Variants in ROS1 observed in about 807,000 individuals in gnomAD.
The protein encoded by ROS1 is proto-oncogene tyrosine-protein kinase ROS.
In ROS1, 263 loss-of-function variants were observed where a neutral mutation model predicts 273.5. The observed-to-expected ratio is 0.96, with a 90% CI of 0.87 to 1.06. The LOEUF (loss-of-function observed/expected upper bound fraction) is 1.06. Ranked by LOEUF, ROS1 falls within the 50% of genes least tolerant of loss-of-function variation. ROS1 has a pLI of 0.00. For synonymous variants in ROS1, 1,008 were observed against 954.1 expected (o/e 1.06, Z -1.04); for missense variants, 2,833 against 2,751.1 (o/e 1.03, Z -0.67).
At chr6:117,420,663 T>C (rs567859593) in intron 1 of ROS1, among the ~76,000 whole-genome samples, 4 of 151,612 alleles carry the variant, frequency 2.6e-5, no homozygotes, top group Non-Finnish European at 5.9e-5. Flanking sequence ...TTCCACATGA[T>C]ATTTGCTCCC....
intron 25 of ROS1, among the ~76,000 whole-genome samples, chr6:117,357,223 C>T (rs1779395010): frequency 6.6e-6 from 1 of 152,168 alleles, no homozygotes; most frequent in Non-Finnish European, 1.5e-5. Flanking sequence ...TGCTAATTTT[C>T]ATCAATGTCC....
chr6:117,322,682 C>T (rs1776362158), intron 35 of ROS1, among the ~76,000 whole-genome samples: 1 of 152,172 alleles, frequency 6.6e-6, no homozygotes, highest in African/African-American at 2.4e-5. Context: ...GTGCCCTCAG[C>T]ACAATACAAA....
Position 117,318,262 on chromosome 6 carries a change from A to G in ROS1, c.5923-10T>C, listed in dbSNP as rs1776057102. On this transcript the variant is annotated splice_polypyrimidine_tract_variant and intron_variant, in intron 37 of 43. Transcript: ENST00000368507. ...AACCCTTCTTCAAAGTCTATACAACATAAAAACAAGTCAGGAATCAGTATA... is the reference window on the plus strand; with the variant it reads ...AACCCTTCTTCAAAGTCTATACAACGTAAAAACAAGTCAGGAATCAGTATA... 6.2e-7 allele frequency: 1 copy of G among 1,608,310 alleles called. No homozygotes were observed. Among genetic ancestry groups the G allele is most frequent in the South Asian group, 1.1e-5 (1 of 90,918 alleles).
In ROS1 at chr6:117,383,364, C is replaced by G. The variant is rs751888809; in HGVS notation, c.2434G>C (p.Glu812Gln). ...YSVESTRLNG[E>Q]SSLVLQTQPW... Reference sequence around the variant, plus strand: ...TGTGTCTGTAGTACAAGGGAACTTTCCCCATTTAGTCTGGTGCTTTCCACT... The same window carrying G: ...TGTGTCTGTAGTACAAGGGAACTTTGCCCATTTAGTCTGGTGCTTTCCACT... Residue 812 changes from glutamate to glutamine, a missense_variant, in exon 17 of 44, where the codon GAA (glutamate) becomes CAA (glutamine). By Grantham distance (29) the Glu-to-Gln change is conservative. Transcript: ENST00000368507. The G allele has an allele frequency of 6.2e-7, 1 of 1,613,906 alleles. No homozygotes were observed.
intron 25 of ROS1, among the ~76,000 whole-genome samples, chr6:117,357,270 C>T (rs534920353): frequency 1.3e-5 from 2 of 152,274 alleles, no homozygotes; most frequent in East Asian, 3.9e-4. Context: ...GTTTCTGCTT[C>T]TTAATACTAG....
At chr6:117,321,880 T>C (rs1196571132) in intron 35 of ROS1, among the ~76,000 whole-genome samples, 2 of 150,872 alleles carry the variant, frequency 1.3e-5, no homozygotes, top group African/African-American at 4.9e-5. Context: ...TCATTGTTGT[T>C]CATATACACA....
At chr6:117,379,018 G>A in intron 18 of ROS1, 41 bp downstream of exon 18, 1 of 1,209,516 alleles carries the variant, frequency 8.3e-7, no homozygotes, top group Non-Finnish European at 1.2e-6. Context: ...TGACTGACAA[G>A]TTTTCTTCTC....
intron 28 of ROS1, among the ~76,000 whole-genome samples, chr6:117,343,829 G>A (rs561263128): frequency 1.3e-5 from 2 of 152,098 alleles, no homozygotes; most frequent in Non-Finnish European, 2.9e-5. Flanking sequence ...CTCAGAAAAC[G>A]GTTACCATGG....
intron 24 of ROS1, among the ~76,000 whole-genome samples, chr6:117,359,606 A>G (rs1050906415): frequency 6.6e-6 from 1 of 152,184 alleles, no homozygotes; most frequent in Non-Finnish European, 1.5e-5. Flanking sequence ...CCTAAACCCA[A>G]TAACTATTTG....
intron 32 of ROS1, among the ~76,000 whole-genome samples, chr6:117,332,007 A>G (rs571778444): frequency 3.7e-4 from 56 of 152,298 alleles, no homozygotes; most frequent in African/African-American, 1.3e-3. Flanking sequence ...CTTAAATGTA[A>G]AGGGGCTAAA....
intron 37 of ROS1, 59 bp downstream of exon 37, chr6:117,319,809 G>C (rs2128558322): frequency 6.9e-7 from 1 of 1,459,288 alleles, no homozygotes; most frequent in Non-Finnish European, 9.5e-7. Context: ...ATTATATCCA[G>C]GTCAATCTTT....
intron 17 of ROS1, among the ~76,000 whole-genome samples, chr6:117,382,817 G>A (rs1772261477): frequency 6.6e-6 from 1 of 151,952 alleles, no homozygotes; most frequent in South Asian, 2.1e-4. Context: ...AAAAAACTTA[G>A]GAGGTAGAAT....
Position 117,310,108 on chromosome 6 carries a change from C to A in ROS1, c.6389G>T (p.Gly2130Val). Reference protein sequence around the residue: ...RWMAPESLMDGIFTTQSDVWS... With the variant: ...RWMAPESLMDVIFTTQSDVWS... Reference sequence around the variant, plus strand: ...TACATCAGATTGAGTAGTGAAGATTCCATCCATCAAACTTTCTGGAGCCAT... The same window carrying A: ...TACATCAGATTGAGTAGTGAAGATTACATCCATCAAACTTTCTGGAGCCAT... The change falls in exon 41 of 44, where the codon GGA becomes GTA. Residue 2130 changes from glycine to valine, a missense_variant. Coordinates refer to ENST00000368507, the MANE Select transcript of ROS1 (RefSeq NM_001378902.1). The A allele has an allele frequency of 1.2e-6, 2 of 1,613,406 alleles. No individual in the cohort carries two copies. The highest frequency in any genetic ancestry group is 1.7e-6 in the Non-Finnish European group (2 of 1,179,522).
At chr6:117,324,631 G>A (rs1259361088) in intron 34 of ROS1, among the ~76,000 whole-genome samples, 1 of 151,886 alleles carries the variant, frequency 6.6e-6, no homozygotes. Flanking sequence ...TTTGCAGAGA[G>A]CAACAAACCA....
At position 117,301,157 on chromosome 6, in the gene ROS1, T is replaced by A; in HGVS notation, c.6552-20A>T. The A allele has an allele frequency of 6.4e-7, 1 of 1,560,400 alleles. No individual in the cohort carries two copies. The highest frequency in any genetic ancestry group is 2.3e-5 in the East Asian group (1 of 42,562). On this transcript the variant is annotated intron_variant, in intron 42 of 43. Transcript: ENST00000368507. ...TTCCACCTAAATATATGGGGAAAGA[T>A]GGGAAAGTAAATAGCAATTGGATAT...
rs1366995131 is a variant in ROS1 at position 117,359,900 on chromosome 6, G to A, written c.3542C>T (p.Ala1181Val). ...CTCATTATCAGCTGTGTAGCAAACG[G>A]CACTGATAACTCTTTCTGCTGAAAA... ...WTFSAERVIS[A>V]VCYTADNEMG... The change falls in exon 24 of 44, where the codon GCC (alanine) becomes GTC (valine). Residue 1181 changes from alanine to valine, a missense_variant. Transcript: ENST00000368507. The A allele has an allele frequency of 3.1e-6, 5 of 1,613,632 alleles. No individual in the cohort carries two copies. Among genetic ancestry groups the A allele is most frequent in the Non-Finnish European group, 3.4e-6 (4 of 1,179,652 alleles).
At position 117,387,775 on chromosome 6, in the gene ROS1, C is replaced by G; in HGVS notation, c.1999+5G>C. ...TCACTCCCTAAATCCAGAACATTTTCTCACCTGGCACCAGGGTAGTACCCA... is the reference window on the plus strand; with the variant it reads ...TCACTCCCTAAATCCAGAACATTTTGTCACCTGGCACCAGGGTAGTACCCA... On this transcript the variant is annotated splice_donor_5th_base_variant and intron_variant, in intron 14 of 43. Transcript: ENST00000368507. 2 of 1,609,196 alleles carry G rather than the reference C, an allele frequency of 1.2e-6. No individual in the cohort carries two copies. The highest frequency in any genetic ancestry group is 8.5e-7 in the Non-Finnish European group (1 of 1,178,376).
intron 7 of ROS1, among the ~76,000 whole-genome samples, chr6:117,400,499 C>T (rs1366584256): frequency 6.6e-6 from 1 of 152,176 alleles, no homozygotes. Context: ...AGGACAGCAG[C>T]TCAGATAAAG....
At chr6:117,394,815 A>AC in intron 9 of ROS1, 77 bp from the exon 10 acceptor site, 3 of 1,325,674 alleles carry the variant, frequency 2.3e-6, no homozygotes, top group East Asian at 2.4e-5. Flanking sequence ...GATCAGTACT[A>AC]CCCTTCAAAG....
Sources: gnomAD v4.1 joint callset for allele counts (sites outside exome capture counted in the v4.1 genomes callset) on GRCh38, gnomAD v4.1.1 for gene constraint, MANE v1.5 for transcripts, NCBI Gene and HGNC (gene_info 2026-07-23, HGNC 2026-07-21) for gene names.